NLRP4: variants seen among roughly 807,000 people sequenced by gnomAD.
NLRP4 encodes the protein NACHT, LRR and PYD domains-containing protein 4.
In NLRP4, 44 loss-of-function variants were observed where a neutral mutation model predicts 84.7. The observed-to-expected ratio is 0.52, with a 90% CI of 0.41 to 0.67. The LOEUF (loss-of-function observed/expected upper bound fraction) is 0.67, where lower values mean the gene tolerates loss of function less well. Among genes scored for constraint, NLRP4 ranks in the 30% least tolerant of loss-of-function variants. The pLI is 0.00. For synonymous variants in NLRP4, 544 were observed against 476.4 expected (o/e 1.14, Z -1.85); for missense variants, 1,260 against 1,219.4 (o/e 1.03, Z -0.50).
intron 2 of NLRP4, among the ~76,000 whole-genome samples, chr19:55,855,985 A>T (rs1984394413): frequency 6.6e-6 from 1 of 152,194 alleles, no homozygotes; most frequent in Non-Finnish European, 1.5e-5. Context: ...GCTTAAAATC[A>T]ATGACCACAG....
chr19:55,838,102 C>T (rs182264140), intron 1 of NLRP4, among the ~76,000 whole-genome samples: 249 of 149,364 alleles, frequency 1.7e-3, no homozygotes, highest in African/African-American at 5.6e-3. Context: ...GTGGATCACC[C>T]GAGGTTGGGG....
chr19:55,850,579 G>A (rs1366895009), intron 1 of NLRP4, among the ~76,000 whole-genome samples: 1 of 89,872 alleles, frequency 1.1e-5, no homozygotes, highest in Admixed American at 9.2e-5. Flanking sequence ...CCGTGGCTGC[G>A]GTGTAATTTC....
At chr19:55,876,771 T>C (rs979116014) in intron 7 of NLRP4, among the ~76,000 whole-genome samples, 2 of 152,226 alleles carry the variant, frequency 1.3e-5, no homozygotes, top group African/African-American at 4.8e-5. Context: ...ACAGTTGTTA[T>C]ACTCTATTGG....
chr19:55,878,987 C>G (rs1258899641), intron 9 of NLRP4, 23 bp downstream of exon 9: 5 of 1,592,630 alleles, frequency 3.1e-6, no homozygotes, highest in Non-Finnish European at 4.3e-6. Context: ...CTGTTGTGCT[C>G]TATGGGCAGA....
intron 1 of NLRP4, among the ~76,000 whole-genome samples, chr19:55,851,648 GT>G (rs1984152467): frequency 9.2e-6 from 1 of 108,940 alleles, no homozygotes; most frequent in Non-Finnish European, 1.9e-5. Flanking sequence ...GCGGTGTAAT[GT>G]CCGAGGCTGC....
In NLRP4 at chr19:55,858,834, C is replaced by A. The variant is rs1984586458; in HGVS notation, c.1441C>A (p.Gln481Lys). Residue 481 changes from glutamine (Q) to lysine (K), a missense_variant, in exon 3 of 10, where the codon CAG becomes AAG. By Grantham distance (53) the Gln-to-Lys change is moderately conservative. Transcript: ENST00000301295. This position sits in a 1 kb window ranked among gnomAD's most constrained non-coding sequence, Gnocchi z 4.2. ...TCCTCACCCAGCTGTGAGATGTGTA[C>A]AGGAATTGCTAGTTGCCAATTTTGA... ...DHPHPAVRCV[Q>K]ELLVANFEKA... 6.2e-7 allele frequency: 1 copy of A among 1,613,950 alleles called. No individual in the cohort carries two copies. Among genetic ancestry groups the A allele is most frequent in the African/African-American group, 1.3e-5 (1 of 74,894 alleles).
Position 55,861,446 on chromosome 19 carries a change from C to T in NLRP4, c.1917C>T (p.His639=), listed in dbSNP as rs143212348. 4.5e-5 allele frequency: 73 copies of T among 1,614,188 alleles called. No individual in the cohort carries two copies. In the African/African-American group the frequency reaches 7.6e-4, roughly 17 times the overall value. The part of the protein sequence containing the change: ...HICSVLTTSG[H]LRELQVQDST... ...GCTCTGTGCTCACCACCAGCGGGCA[C>T]CTCAGAGAGCTCCAGGTGCAGGACA... is the stretch of plus-strand genomic sequence containing the variant. The change falls in exon 4 of 10, where the codon CAC becomes CAT. Residue 639 remains histidine (H), a synonymous_variant. Coordinates refer to ENST00000301295, the MANE Select transcript of NLRP4 (RefSeq NM_134444.5).
intron 5 of NLRP4, among the ~76,000 whole-genome samples, chr19:55,862,803 G>C (rs370601592): frequency 2.8e-4 from 43 of 152,348 alleles, no homozygotes; most frequent in African/African-American, 9.6e-4. Context: ...TGTTGGGGGA[G>C]GGGGCTGCAT....
At chr19:55,866,434 A>G (rs1287055954) in intron 5 of NLRP4, among the ~76,000 whole-genome samples, 2 of 152,202 alleles carry the variant, frequency 1.3e-5, no homozygotes, top group East Asian at 3.9e-4. Context: ...TGACTTGCCA[A>G]TTCCACATTT....
rs747424630 is a variant in NLRP4, at chr19:55,858,335, C to A, written c.942C>A (p.Phe314Leu). The change falls in exon 3 of 10, where the codon TTC (phenylalanine) becomes TTA (leucine). Residue 314 changes from phenylalanine to leucine, a missense_variant. Around this residue, in one of 3 missense-constraint regions of NLRP4, gnomAD observed 712 missense variants for 669.2 expected, o/e 1.06. Coordinates refer to ENST00000301295, the MANE Select transcript of NLRP4 (RefSeq NM_134444.5). This position sits in a 1 kb window ranked among gnomAD's most constrained non-coding sequence, Gnocchi z 4.2. ...ATAGGTTAGTGTATTTCTGCTGTTT[C>A]TTCAAAGACCCGAAAAGAGCCATGG... is the stretch of plus-strand genomic sequence containing the variant. ...ESDRLVYFCC[F>L]FKDPKRAMEA... 9 of 1,614,044 alleles carry A rather than the reference C, an allele frequency of 5.6e-6. No homozygotes were observed. The highest frequency in any genetic ancestry group is 1.3e-5 in the African/African-American group (1 of 74,928).
At chr19:55,875,404 T>G (rs888071240) in intron 7 of NLRP4, among the ~76,000 whole-genome samples, 2 of 152,196 alleles carry the variant, frequency 1.3e-5, no homozygotes, top group African/African-American at 4.8e-5. Context: ...GTTACTGATA[T>G]ACCAACAAGA....
chr19:55,839,554 A>G (rs1032838147), intron 1 of NLRP4, among the ~76,000 whole-genome samples: 13 of 151,608 alleles, frequency 8.6e-5, no homozygotes, highest in Non-Finnish European at 1.9e-4. Flanking sequence ...AAGAATTTAT[A>G]TATTTGAACA....
intron 1 of NLRP4, among the ~76,000 whole-genome samples, chr19:55,849,569 G>A (rs1037921051): frequency 1.3e-5 from 2 of 152,210 alleles, no homozygotes; most frequent in Non-Finnish European, 2.9e-5. Flanking sequence ...CAGAGGAAGA[G>A]ATGGGGAGAA....
intron 3 of NLRP4, among the ~76,000 whole-genome samples, chr19:55,860,651 A>C (rs1226776774): frequency 6.6e-6 from 1 of 152,142 alleles, no homozygotes; most frequent in Non-Finnish European, 1.5e-5. Flanking sequence ...TGGGGCAAAG[A>C]AGTCAAGTGA....
chr19:55,877,085 G>A lies in NLRP4; in HGVS notation c.2615G>A (p.Gly872Glu). Reference sequence around the variant, plus strand: ...CAAAACCTGAAGATTCTGCAAATTGGGTGCAATGAAATCGGAGATGTGGGT... The same window carrying A: ...CAAAACCTGAAGATTCTGCAAATTGAGTGCAATGAAATCGGAGATGTGGGT... ...SNQNLKILQI[G>E]CNEIGDVGVQ... The change falls in exon 8 of 10, where the codon GGG (glycine) becomes GAG (glutamate). Residue 872 changes from glycine to glutamate, a missense_variant. Physicochemically the swap from Gly to Glu is moderately conservative, Grantham distance 98 (BLOSUM62 -2). Coordinates refer to ENST00000301295, the MANE Select transcript of NLRP4 (RefSeq NM_134444.5). The A allele has an allele frequency of 1.2e-6, 2 of 1,614,070 alleles. No homozygotes were observed. Among genetic ancestry groups the A allele is most frequent in the Non-Finnish European group, 1.7e-6 (2 of 1,179,976 alleles).
intron 8 of NLRP4, 114 bp from the exon 9 acceptor site, chr19:55,878,680 A>C: frequency 3.5e-6 from 3 of 853,930 alleles, no homozygotes; most frequent in African/African-American, 1.7e-5. Context: ...CTGGACTGTG[A>C]GAGATTGCAC....
chr19:55,874,042 CA>C, intron 7 of NLRP4, among the ~76,000 whole-genome samples: 1 of 151,710 alleles, frequency 6.6e-6, no homozygotes, highest in Middle Eastern at 3.4e-3. Flanking sequence ...ACTAATGAAA[CA>C]AAAATCACAA....
In NLRP4 at chr19:55,873,289, A is replaced by G. The variant is rs1985258328; in HGVS notation, c.2525+2292A>G. On this transcript the variant is annotated intron_variant, in intron 7 of 9. Transcript: ENST00000301295. ...CTTGAAGATTTAATGGAAAAAATATACAACAGCCATAACAAAATATAAAGG... is the reference window on the plus strand; with the variant it reads ...CTTGAAGATTTAATGGAAAAAATATGCAACAGCCATAACAAAATATAAAGG... 2.0e-5 allele frequency among the ~76,000 whole-genome samples: 3 copies of G among 152,152 alleles called. No homozygotes were observed. In the South Asian group the frequency reaches 6.2e-4, roughly 32 times the overall value.
At chr19:55,875,127 A>C (rs1467263290) in intron 7 of NLRP4, among the ~76,000 whole-genome samples, 1 of 152,224 alleles carries the variant, frequency 6.6e-6, no homozygotes, top group African/African-American at 2.4e-5. Context: ...AATCTAAAGC[A>C]AACATTTGTC....
Sources: allele counts gnomAD v4.1 joint callset (sites outside exome capture counted in the v4.1 genomes callset), GRCh38; gene constraint gnomAD v4.1.1; regional missense constraint gnomAD v4.1.1; non-coding constraint Gnocchi (gnomAD v3.1); transcripts MANE v1.5; gene names NCBI Gene and HGNC (gene_info 2026-07-23, HGNC 2026-07-21).